OSBPL3: variants seen among roughly 807,000 people sequenced by gnomAD.
OSBPL3 encodes the protein oxysterol binding protein like 3.
OSBPL3 carries 65 observed loss-of-function variants against 120.1 expected under a neutral mutation model. The observed-to-expected ratio is 0.54, with a 90% CI of 0.44 to 0.67. OSBPL3 has a LOEUF of 0.67. Ranked by LOEUF, OSBPL3 falls within the 30% of genes least tolerant of loss-of-function variation. OSBPL3 has a pLI of 0.00. For missense variants in OSBPL3, 1,004 were observed against 1,082.1 expected (o/e 0.93, Z 1.01); for synonymous variants, 416 against 402.6 (o/e 1.03, Z -0.40).
chr7:24,872,446 A>AGT lies in OSBPL3; in HGVS notation c.97-378_97-377insAC, dbSNP rs555797689. On this transcript the variant is annotated intron_variant, in intron 2 of 22. Transcript: ENST00000313367. This position sits in a 1 kb window ranked among gnomAD's most constrained non-coding sequence, Gnocchi z 4.1. ...CTTCAGTCTGAATTTTAACCGAAAG[A>AGT]GAGTGTGTGTGTGTGTGTGTGTGTG... Among the ~76,000 whole-genome samples the AGT allele has an allele frequency of 0.062, 5,190 of 83,268 alleles. 93 individuals are homozygous for AGT. Among genetic ancestry groups the AGT allele is most frequent in the Non-Finnish European group, 0.07 (2,807 of 40,128 alleles). The allele number at this position is 83,268 out of a possible 152,430, so 54.6% of individuals were successfully genotyped here.
chr7:24,831,389 T>A lies in OSBPL3; in HGVS notation c.1747-484A>T, dbSNP rs771139778. On this transcript the variant is annotated intron_variant, in intron 15 of 22. Transcript: ENST00000313367. This position sits in a 1 kb window ranked among gnomAD's most constrained non-coding sequence, Gnocchi z 4.0. ...GTATTATAGAAACCAAAACATTCAT[T>A]TTGACCAAAGAAAATCTGTGAGTCA... Among the ~76,000 whole-genome samples, 109 of 152,324 alleles carry A rather than the reference T, an allele frequency of 7.2e-4. No individual in the cohort carries two copies. The highest frequency in any genetic ancestry group is 1.0e-3 in the Non-Finnish European group (68 of 68,028).
At chr7:24,841,694 C>CAAGAAAAA (rs1554358462) in intron 13 of OSBPL3, among the ~76,000 whole-genome samples, 3 of 12,136 alleles carry the variant, frequency 2.5e-4, no homozygotes, top group Non-Finnish European at 5.7e-4. Flanking sequence ...GACTATGTCT[C>CAAGAAAAA]AAAAAAAAAA....
intron 1 of OSBPL3, among the ~76,000 whole-genome samples, chr7:24,948,951 C>A (rs911499467): frequency 5.3e-5 from 8 of 152,168 alleles, no homozygotes; most frequent in African/African-American, 1.7e-4. Flanking sequence ...TTAGATCTGG[C>A]TTTTATGATG....
At chr7:24,858,697 C>T (rs975308232) in intron 10 of OSBPL3, among the ~76,000 whole-genome samples, 12 of 152,192 alleles carry the variant, frequency 7.9e-5, no homozygotes, top group African/African-American at 2.7e-4. Flanking sequence ...CTGCAGCCAG[C>T]AGGTTTTCAC....
chr7:24,813,043 T>A lies in OSBPL3; in HGVS notation c.2172+2016A>T, dbSNP rs1794034066. 1.3e-5 allele frequency among the ~76,000 whole-genome samples: 2 copies of A among 152,180 alleles called. No individual in the cohort carries two copies. Among genetic ancestry groups the A allele is most frequent in the South Asian group, 4.1e-4 (2 of 4,826 alleles). ...ACAGGTGCATGCCACCGTGTCTGGCTAATTTTTAAATTTGTTGTAGAGATA... is the reference window on the plus strand; with the variant it reads ...ACAGGTGCATGCCACCGTGTCTGGCAAATTTTTAAATTTGTTGTAGAGATA... On this transcript the variant is annotated intron_variant, in intron 19 of 22. Coordinates refer to ENST00000313367, the MANE Select transcript of OSBPL3 (RefSeq NM_015550.4). This position sits in a 1 kb window ranked among gnomAD's most constrained non-coding sequence, Gnocchi z 4.5.
chr7:24,879,431 G>C lies in OSBPL3; in HGVS notation c.97-7362C>G, dbSNP rs910046164. On this transcript the variant is annotated intron_variant, in intron 2 of 22. Transcript: ENST00000313367. The surrounding 1 kb of genome is among the most constrained non-coding windows in gnomAD (Gnocchi z 5.6). Reference sequence around the variant, plus strand: ...CATCCCTTCTTTCCCTTCACACACAGATGTAGCTCTCCAACCTCAGGCCAG... The same window carrying C: ...CATCCCTTCTTTCCCTTCACACACACATGTAGCTCTCCAACCTCAGGCCAG... 2.6e-5 allele frequency among the ~76,000 whole-genome samples: 4 copies of C among 152,182 alleles called. No homozygotes were observed. The highest frequency in any genetic ancestry group is 1.3e-4 in the Admixed American group (2 of 15,274).
At position 24,876,342 on chromosome 7, in the gene OSBPL3, C is replaced by T. The variant is rs540239188; in HGVS notation, c.97-4273G>A. 6.6e-5 allele frequency among the ~76,000 whole-genome samples: 10 copies of T among 152,258 alleles called. No individual in the cohort carries two copies. In the South Asian group the frequency reaches 1.7e-3, roughly 25 times the overall value. Reference sequence around the variant, plus strand: ...TGAAATTTCTAAATTATCCAAACCACATCAGTCACATATTCCTGTAAATTA... The same window carrying T: ...TGAAATTTCTAAATTATCCAAACCATATCAGTCACATATTCCTGTAAATTA... On this transcript the variant is annotated intron_variant, in intron 2 of 22. Transcript: ENST00000313367.
Position 24,815,091 on chromosome 7 carries a change from C to A in OSBPL3, c.2140G>T (p.Asp714Tyr). 6.2e-7 allele frequency: 1 copy of A among 1,613,784 alleles called. No homozygotes were observed. Among genetic ancestry groups the A allele is most frequent in the Non-Finnish European group, 8.5e-7 (1 of 1,179,642 alleles). ...AAATTCACTTTGCAGTAGCAGGAATCATCATGCAGGTTCTTGATGACAATC... is the reference window on the plus strand; with the variant it reads ...AAATTCACTTTGCAGTAGCAGGAATAATCATGCAGGTTCTTGATGACAATC... ...GEIVIKNLHD[D>Y]SCYCKVNFIK... Residue 714 changes from aspartate to tyrosine, a missense_variant, in exon 19 of 23, where the codon GAT (aspartate) becomes TAT (tyrosine). Physicochemically the swap from Asp to Tyr is radical, Grantham distance 160. Around this residue, in one of 4 missense-constraint regions of OSBPL3, gnomAD observed 473 missense variants for 568.0 expected, o/e 0.83. Coordinates refer to ENST00000313367, the MANE Select transcript of OSBPL3 (RefSeq NM_015550.4). This position sits in a 1 kb window ranked among gnomAD's most constrained non-coding sequence, Gnocchi z 5.1.
intron 12 of OSBPL3, among the ~76,000 whole-genome samples, chr7:24,845,247 G>A (rs1173084406): frequency 1.3e-5 from 2 of 151,432 alleles, no homozygotes; most frequent in Non-Finnish European, 1.5e-5. Flanking sequence ...ATTTTCATTA[G>A]GCTGAATAGT....
intron 1 of OSBPL3, among the ~76,000 whole-genome samples, chr7:24,970,532 A>G (rs1034773068): frequency 2.6e-5 from 4 of 152,156 alleles, no homozygotes; most frequent in African/African-American, 9.7e-5. Context: ...TCTTGTTTAT[A>G]TAAGTAGAGA....
chr7:24,974,874 G>A lies in OSBPL3; in HGVS notation c.-150+5012C>T, dbSNP rs1342257644. ...GGCAGTATGGGGAATGACTGGTAAT[G>A]GGTGCAAACTTTTTTAGAGGGTGAT... On this transcript the variant is annotated intron_variant, in intron 1 of 22. Coordinates refer to ENST00000313367, the MANE Select transcript of OSBPL3 (RefSeq NM_015550.4). 2.6e-5 allele frequency among the ~76,000 whole-genome samples: 4 copies of A among 152,152 alleles called. No individual in the cohort carries two copies. In the East Asian group the frequency reaches 7.7e-4, roughly 29 times the overall value.
At chr7:24,980,557 C>T (rs980580042), upstream of OSBPL3, among the ~76,000 whole-genome samples, 2 of 151,584 alleles carry the variant, frequency 1.3e-5, no homozygotes, top group African/African-American at 4.9e-5. Flanking sequence ...AAAGTGAGGG[C>T]AGCGCGGGAG....
At chr7:24,949,287 CACCAAGTCTGG>C (rs1382140184) in intron 1 of OSBPL3, among the ~76,000 whole-genome samples, 2 of 152,028 alleles carry the variant, frequency 1.3e-5, no homozygotes, top group African/African-American at 4.8e-5. Context: ...TACTGTGTTC[CACCAAGTCTGG>C]AACACACTCT....
chr7:24,948,562 T>G (rs897895441), intron 1 of OSBPL3, among the ~76,000 whole-genome samples: 1 of 152,222 alleles, frequency 6.6e-6, no homozygotes, highest in African/African-American at 2.4e-5. Context: ...ATGCAATACC[T>G]TCTTCCAGCC....
intron 1 of OSBPL3, among the ~76,000 whole-genome samples, chr7:24,960,133 A>G (rs528590368): frequency 6.6e-6 from 1 of 152,280 alleles, no homozygotes; most frequent in East Asian, 1.9e-4. Context: ...TTCCCTCCCA[A>G]TATTATTTTA....
intron 11 of OSBPL3, among the ~76,000 whole-genome samples, chr7:24,850,653 C>T (rs1392797676): frequency 6.6e-6 from 1 of 152,210 alleles, no homozygotes; most frequent in Non-Finnish European, 1.5e-5. Context: ...CACACAGCCA[C>T]ATATAACAGT....
At chr7:24,861,181 G>A (rs934029267) in intron 10 of OSBPL3, among the ~76,000 whole-genome samples, 1 of 152,188 alleles carries the variant, frequency 6.6e-6, no homozygotes, top group Non-Finnish European at 1.5e-5. Context: ...GGCTAATGAT[G>A]TTGAATACCT....
At chr7:24,980,743 T>G (rs993498898), upstream of OSBPL3, among the ~76,000 whole-genome samples, 3 of 151,866 alleles carry the variant, frequency 2.0e-5, no homozygotes, top group Non-Finnish European at 4.4e-5. Context: ...GACCCGGGGC[T>G]CGGAGACCGT....
chr7:24,848,598 G>A (rs1798721902), intron 12 of OSBPL3, among the ~76,000 whole-genome samples: 1 of 151,928 alleles, frequency 6.6e-6, no homozygotes, highest in South Asian at 2.1e-4. Flanking sequence ...CCCTCAGAGT[G>A]TACAGCCGCA....
Sources: allele counts gnomAD v4.1 joint callset (sites outside exome capture counted in the v4.1 genomes callset), GRCh38; gene constraint gnomAD v4.1.1; regional missense constraint gnomAD v4.1.1; non-coding constraint Gnocchi (gnomAD v3.1); transcripts MANE v1.5; gene names NCBI Gene and HGNC (gene_info 2026-07-23, HGNC 2026-07-21).